CTIF: variants seen among roughly 807,000 people sequenced by gnomAD.
CTIF encodes the protein CBP80/20-dependent translation initiation factor.
A neutral mutation model predicts 66.0 loss-of-function variants in CTIF; 21 were observed. That is an observed-to-expected ratio of 0.32 (90% confidence interval 0.23 to 0.46). The LOEUF (loss-of-function observed/expected upper bound fraction) is 0.46. CTIF is among the 20% of genes least tolerant of loss of function. The pLI is 1.00. For synonymous variants in CTIF, 345 were observed against 326.4 expected (o/e 1.06, Z -0.62); for missense variants, 739 against 812.7 (o/e 0.91, Z 1.10).
chr18:48,766,274 A>C (rs925602676), intron 9 of CTIF, among the ~76,000 whole-genome samples: 2 of 152,084 alleles, frequency 1.3e-5, no homozygotes, highest in Admixed American at 6.5e-5. Flanking sequence ...CGTTTCAAAC[A>C]TGCTCCTGGT....
At chr18:48,705,557 AT>A (rs1568151670) in intron 6 of CTIF, among the ~76,000 whole-genome samples, 3 of 152,262 alleles carry the variant, frequency 2.0e-5, no homozygotes, top group African/African-American at 4.8e-5. Flanking sequence ...GGGGAACACA[AT>A]TCTACCTCCT....
chr18:48,567,861 G>GTACCCTGGTGCTGGTTGTACT (rs2089313934), intron 1 of CTIF: 2 of 152,386 alleles, frequency 1.3e-5, no homozygotes, highest in Non-Finnish European at 2.9e-5. Flanking sequence ...CAGCAGAGCA[G>GTACCCTGGTGCTGGTTGTACT]TACCCTGGTG....
At chr18:48,574,605 C>T (rs1267541064) in intron 1 of CTIF, among the ~76,000 whole-genome samples, 1 of 152,106 alleles carries the variant, frequency 6.6e-6, no homozygotes, top group Non-Finnish European at 1.5e-5. Context: ...TTAGCTTGGG[C>T]CTCCTTTCAG....
At chr18:48,641,252 G>A (rs921685566) in intron 3 of CTIF, among the ~76,000 whole-genome samples, 4 of 152,254 alleles carry the variant, frequency 2.6e-5, no homozygotes, top group African/African-American at 9.6e-5. Context: ...GTTGTATGGG[G>A]TCAGGAGTGA....
chr18:48,820,424 C>T (rs1256192094), intron 10 of CTIF, among the ~76,000 whole-genome samples: 2 of 152,146 alleles, frequency 1.3e-5, no homozygotes, highest in Non-Finnish European at 2.9e-5. Flanking sequence ...CTTAGGCTTT[C>T]CCCCTGGGGC....
At chr18:48,559,930 C>A (rs2089114482) in intron 1 of CTIF, among the ~76,000 whole-genome samples, 1 of 152,170 alleles carries the variant, frequency 6.6e-6, no homozygotes, top group African/African-American at 2.4e-5. Context: ...GAAACCTGCA[C>A]ATGTACCCCC....
intron 2 of CTIF, among the ~76,000 whole-genome samples, chr18:48,635,711 A>C (rs1288270870): frequency 6.6e-6 from 1 of 152,226 alleles, no homozygotes; most frequent in Non-Finnish European, 1.5e-5. Flanking sequence ...TTAATACAAT[A>C]GTAAAAACAC....
intron 6 of CTIF, among the ~76,000 whole-genome samples, chr18:48,698,950 T>C (rs1381364663): frequency 1.3e-5 from 2 of 152,100 alleles, no homozygotes; most frequent in African/African-American, 4.8e-5. Context: ...TCAGCAGAAA[T>C]GTGTTGCCTG....
intron 3 of CTIF, among the ~76,000 whole-genome samples, chr18:48,637,981 G>A (rs1054950192): frequency 1.3e-5 from 2 of 152,064 alleles, no homozygotes; most frequent in Admixed American, 6.5e-5. Flanking sequence ...TGAGTCCCAC[G>A]GAGGTGCCAC....
chr18:48,840,638 G>C (rs1415677922), intron 10 of CTIF, among the ~76,000 whole-genome samples: 1 of 152,128 alleles, frequency 6.6e-6, no homozygotes, highest in African/African-American at 2.4e-5. Context: ...AGGCCTGTCT[G>C]CTCCTCCAAT....
At chr18:48,659,962 T>A (rs1267719399) in intron 3 of CTIF, among the ~76,000 whole-genome samples, 3 of 151,700 alleles carry the variant, frequency 2.0e-5, no homozygotes, top group African/African-American at 7.3e-5. Flanking sequence ...TAAGGAGTTG[T>A]GGGGATTCAA....
intron 7 of CTIF, among the ~76,000 whole-genome samples, chr18:48,734,924 G>A (rs1276636817): frequency 1.3e-5 from 2 of 152,188 alleles, no homozygotes; most frequent in Non-Finnish European, 2.9e-5. Context: ...ATATTGCTGT[G>A]TGTGTACTCC....
At chr18:48,841,132 C>T (rs1279964326) in intron 10 of CTIF, among the ~76,000 whole-genome samples, 1 of 152,124 alleles carries the variant, frequency 6.6e-6, no homozygotes, top group East Asian at 1.9e-4. Context: ...TAAAAGCCCC[C>T]TACATTTAAG....
intron 6 of CTIF, among the ~76,000 whole-genome samples, chr18:48,685,649 G>T (rs2091827567): frequency 6.6e-6 from 1 of 152,016 alleles, no homozygotes; most frequent in Non-Finnish European, 1.5e-5. Flanking sequence ...GTAGCTTCCA[G>T]GCCTCACTGC....
chr18:48,859,709 G>A lies in CTIF; in HGVS notation c.*150G>A, dbSNP rs767188703. On this transcript the variant is annotated 3_prime_UTR_variant, in exon 12 of 12. Transcript: ENST00000256413. The stretch of plus-strand genomic sequence containing the variant: ...GTCGGTGGCCAGTCTGGAGCCAGAC[G>A]GGGAAGGGAGCAAATCCCTGAGAGG... The A allele has an allele frequency of 3.4e-5, 25 of 741,648 alleles. No individual in the cohort carries two copies. The highest frequency in any genetic ancestry group is 2.9e-4 in the South Asian group (19 of 65,958). The allele number at this position is 741,648 out of a possible 1,614,324, so 45.9% of individuals were successfully genotyped here.
At chr18:48,626,909 G>A (rs1230012699) in intron 2 of CTIF, among the ~76,000 whole-genome samples, 1 of 151,854 alleles carries the variant, frequency 6.6e-6, no homozygotes, top group Non-Finnish European at 1.5e-5. Context: ...CACCCTGCTC[G>A]GCCTCCCAAA....
At chr18:48,672,377 A>C (rs1253802172) in intron 6 of CTIF, among the ~76,000 whole-genome samples, 5 of 152,116 alleles carry the variant, frequency 3.3e-5, no homozygotes, top group Non-Finnish European at 7.4e-5. Context: ...GCAATGTGGG[A>C]TATTTAGGAC....
At chr18:48,819,140 A>G (rs2068430085) in intron 10 of CTIF, among the ~76,000 whole-genome samples, 1 of 152,162 alleles carries the variant, frequency 6.6e-6, no homozygotes, top group Admixed American at 6.5e-5. Flanking sequence ...ATGTACCCAA[A>G]CCACATTTCT....
chr18:48,553,641 C>CT (rs1599132087), intron 1 of CTIF, among the ~76,000 whole-genome samples: 1 of 149,506 alleles, frequency 6.7e-6, no homozygotes, highest in East Asian at 1.9e-4. Context: ...GAGTGACTTT[C>CT]TTTTTCTTTT....
Sources: gnomAD v4.1 joint callset for allele counts (sites outside exome capture counted in the v4.1 genomes callset) on GRCh38, gnomAD v4.1.1 for gene constraint, MANE v1.5 for transcripts, NCBI Gene and HGNC (gene_info 2026-07-23, HGNC 2026-07-21) for gene names.